ARHGEF1: variants seen among roughly 807,000 people sequenced by gnomAD.
ARHGEF1 encodes the protein Rho guanine nucleotide exchange factor 1.
ARHGEF1 carries 40 observed loss-of-function variants against 119.7 expected under a neutral mutation model. The observed-to-expected ratio is 0.33, with a 90% CI of 0.26 to 0.44. The LOEUF is 0.44. Among genes scored for constraint, ARHGEF1 ranks in the 20% least tolerant of loss-of-function variants. The probability of loss-of-function intolerance (pLI) is 1.00; values close to 1 mark genes in which losing one functional copy is unlikely to be tolerated. For synonymous variants in ARHGEF1, 494 were observed against 521.0 expected, an observed-to-expected ratio of 0.95 and a Z score of 0.71; for missense variants, 976 against 1,268.3, an observed-to-expected ratio of 0.77 and a Z score of 3.50.
rs186394752 is a variant in ARHGEF1 at position 41,903,606 on chromosome 19, G to A, written c.1840-101G>A. On this transcript the variant is annotated intron_variant, in intron 19 of 28. Transcript: ENST00000354532. The surrounding 1 kb of genome is among the most constrained non-coding windows in gnomAD (Gnocchi z 4.2). Reference sequence around the variant, plus strand: ...GTCAGGCCCAACCCTCAGCTTGCCCGCATCAGAAGTTGGTCTTGGCTCTCA... The same window carrying A: ...GTCAGGCCCAACCCTCAGCTTGCCCACATCAGAAGTTGGTCTTGGCTCTCA... 60 of 1,312,800 alleles carry A rather than the reference G, an allele frequency of 4.6e-5. 1 individual carries two copies. Among genetic ancestry groups the A allele is most frequent in the Admixed American group, 2.4e-4 (13 of 54,390 alleles). 81.3% of individuals were successfully genotyped at this position (1,312,800 alleles called of 1,614,324 possible). A position where few individuals can be genotyped will look rare whatever the true frequency, so the allele number is the denominator to read the frequency against.
In ARHGEF1 at chr19:41,914,556, T is replaced by C. The variant is rs868948990; in HGVS notation, c.1865+7753T>C. The stretch of plus-strand genomic sequence containing the variant: ...CTCTGCTATCCGTCTTTCCCTCCCC[T>C]TCCACCATCTCTGTCTCCGTCTCTC... On this transcript the variant is annotated intron_variant, in intron 18 of 20. Transcript: ENST00000599589. 4.2e-3 allele frequency among the ~76,000 whole-genome samples: 416 copies of C among 98,290 alleles called. 7 individuals carry two copies. Among genetic ancestry groups the C allele is most frequent in the Non-Finnish European group, 6.4e-3 (298 of 46,794 alleles). 64.5% of individuals were successfully genotyped at this position (98,290 alleles called of 152,430 possible). A position where few individuals can be genotyped will look rare whatever the true frequency, so the allele number is the denominator to read the frequency against.
chr19:41,907,680 A>C, downstream of ARHGEF1: 1 of 383,440 alleles, frequency 2.6e-6, no homozygotes, highest in Non-Finnish European at 4.7e-6. Flanking sequence ...CCGATCCCCC[A>C]TGCTCAGCAC....
chr19:41,896,961 C>G lies in ARHGEF1; in HGVS notation c.1121+479C>G, dbSNP rs782673680. The G allele has an allele frequency of 1.6e-5, 6 of 386,800 alleles. No individual in the cohort carries two copies. In the East Asian group the frequency reaches 4.6e-4, roughly 30 times the overall value. 24.0% of individuals were successfully genotyped at this position (386,800 alleles called of 1,614,324 possible). A position where few individuals can be genotyped will look rare whatever the true frequency, so the allele number is the denominator to read the frequency against. On this transcript the variant is annotated intron_variant, in intron 13 of 28. Transcript: ENST00000354532. ...TCCCCCCTCCTCTCTCACCTTCCCC[C>G]TCCTCTCTTTCCTCCCCACTCCTCT... is the stretch of plus-strand genomic sequence containing the variant.
chr19:41,887,587 T>G (rs977149375), intron 1 of ARHGEF1, among the ~76,000 whole-genome samples: 12 of 152,120 alleles, frequency 7.9e-5, no homozygotes, highest in Admixed American at 7.9e-4. Flanking sequence ...GTGGGGCTGG[T>G]GGGTTCCAAG....
intron 1 of ARHGEF1, among the ~76,000 whole-genome samples, chr19:41,884,147 G>A (rs1364097293): frequency 1.3e-5 from 2 of 152,120 alleles, no homozygotes; most frequent in Non-Finnish European, 2.9e-5. Flanking sequence ...TCGAACTCGG[G>A]AGGAGTTGGA....
intron 12 of ARHGEF1, among the ~76,000 whole-genome samples, 155 bp from the exon 13 acceptor site, chr19:41,896,222 C>G (rs1433606348): frequency 6.6e-6 from 1 of 152,160 alleles, no homozygotes; most frequent in Non-Finnish European, 1.5e-5. Flanking sequence ...TCTGAGAGGT[C>G]TTAACATCTG....
downstream of ARHGEF1, chr19:41,908,388 G>A: frequency 8.1e-7 from 1 of 1,231,250 alleles, no homozygotes; most frequent in Non-Finnish European, 1.0e-6. The surrounding 1 kb of genome is among the most constrained non-coding windows in gnomAD (Gnocchi z 6.7). Context: ...CCCAGCCCCT[G>A]GCAGCGCCAG....
At position 41,906,797 on chromosome 19, in the gene ARHGEF1, C is replaced by T. The variant is rs1555850357; in HGVS notation, c.*11C>T. On this transcript the variant is annotated 3_prime_UTR_variant, in exon 28 of 29. Coordinates refer to ENST00000354532, the MANE Select transcript of ARHGEF1 (RefSeq NM_004706.4). The surrounding 1 kb of genome is among the most constrained non-coding windows in gnomAD (Gnocchi z 4.5). Reference sequence around the variant, plus strand: ...CCTGGCTGCACTTGAGGTTCCCGCCCAGGAAGGTGAGTGGGGCACCTGGGG... The same window carrying T: ...CCTGGCTGCACTTGAGGTTCCCGCCTAGGAAGGTGAGTGGGGCACCTGGGG... 2 of 1,606,466 alleles carry T rather than the reference C, an allele frequency of 1.2e-6. No homozygotes were observed. The highest frequency in any genetic ancestry group is 1.7e-6 in the Non-Finnish European group (2 of 1,176,374).
In ARHGEF1 at chr19:41,914,637, CTCTCCCTCCCTTTCCACCATCTCT is replaced by C. The variant is rs1568831924; in HGVS notation, c.1865+7835_1865+7858del. 6.6e-4 allele frequency among the ~76,000 whole-genome samples: 32 copies of C among 48,182 alleles called. 6 individuals carry two copies. The highest frequency in any genetic ancestry group is 8.5e-4 in the Non-Finnish European group (24 of 28,274). The allele number at this position is 48,182 out of a possible 152,430, so 31.6% of individuals were successfully genotyped here. The stretch of plus-strand genomic sequence containing the variant: ...CCCCTTCCACCATCTCTGTCTCTGT[CTCTCCCTCCCTTTCCACCATCTCT>C]GTCTCTCCCTCCCCTTCCACCATCT... On this transcript the variant is annotated intron_variant, in intron 18 of 20. Coordinates refer to the ARHGEF1 transcript ENST00000599589.
Position 41,904,514 on chromosome 19 carries a change from G to A in ARHGEF1, c.2161+131G>A. 3 of 1,176,326 alleles carry A rather than the reference G, an allele frequency of 2.6e-6. No individual in the cohort carries two copies. The highest frequency in any genetic ancestry group is 3.5e-6 in the Non-Finnish European group (3 of 860,662). 72.9% of individuals were successfully genotyped at this position (1,176,326 alleles called of 1,614,324 possible). Reference sequence around the variant, plus strand: ...CTAGCAAAGAGGTTGAGAAGTAGGTGGAGGTGGGCAGGGCGGGGCCAGGCC... The same window carrying A: ...CTAGCAAAGAGGTTGAGAAGTAGGTAGAGGTGGGCAGGGCGGGGCCAGGCC... On this transcript the variant is annotated intron_variant, in intron 22 of 28. Transcript: ENST00000354532. This position sits in a 1 kb window ranked among gnomAD's most constrained non-coding sequence, Gnocchi z 8.4.
intron 2 of ARHGEF1, among the ~76,000 whole-genome samples, chr19:41,929,454 G>A (rs1055092378): frequency 1.3e-5 from 2 of 152,118 alleles, no homozygotes; most frequent in Admixed American, 6.5e-5. Context: ...AGTCAATATC[G>A]ACCAGCCTCA....
rs1257916616 is a variant in ARHGEF1, at chr19:41,912,838, G to T, written c.1865+6035G>T. 2.2e-4 allele frequency: 256 copies of T among 1,150,438 alleles called. 1 individual carries two copies. Among genetic ancestry groups the T allele is most frequent in the Non-Finnish European group, 2.4e-4 (215 of 914,090 alleles). 71.3% of individuals were successfully genotyped at this position (1,150,438 alleles called of 1,614,324 possible). ...AGGGGTGGGGGAAGGGGTGGGGGAG[G>T]TCCGGGCCAGTTACCGGGGGTCCAG... On this transcript the variant is annotated intron_variant, in intron 18 of 20. Coordinates refer to the ARHGEF1 transcript ENST00000599589.
intron 11 of ARHGEF1, 51 bp from the exon 12 acceptor site, chr19:41,895,298 T>C: frequency 6.4e-7 from 1 of 1,559,380 alleles, no homozygotes; most frequent in Non-Finnish European, 8.7e-7. Context: ...CGGTTGTGGA[T>C]TTGAGTTACT....
In ARHGEF1 at chr19:41,904,880, T is replaced by C. The variant is rs1226328089; in HGVS notation, c.2162-69T>C. Reference sequence around the variant, plus strand: ...CACCACTGTGGGTGACTTCTCCAGCTTGTGCTTAGGGAGGGGCAGGCACTG... The same window carrying C: ...CACCACTGTGGGTGACTTCTCCAGCCTGTGCTTAGGGAGGGGCAGGCACTG... On this transcript the variant is annotated intron_variant, in intron 22 of 28. Coordinates refer to ENST00000354532, the MANE Select transcript of ARHGEF1 (RefSeq NM_004706.4). The surrounding 1 kb of genome is among the most constrained non-coding windows in gnomAD (Gnocchi z 8.4). 2 of 1,366,636 alleles carry C rather than the reference T, an allele frequency of 1.5e-6. No individual in the cohort carries two copies. Among genetic ancestry groups the C allele is most frequent in the African/African-American group, 2.9e-5 (2 of 69,884 alleles). The allele number at this position is 1,366,636 out of a possible 1,614,324, so 84.7% of individuals were successfully genotyped here. A position where few individuals can be genotyped will look rare whatever the true frequency, so the allele number is the denominator to read the frequency against.
At chr19:41,913,934 C>T (rs2074770167) in intron 18 of ARHGEF1, among the ~76,000 whole-genome samples, 1 of 150,862 alleles carries the variant, frequency 6.6e-6, no homozygotes, top group Admixed American at 6.6e-5. Context: ...CTCTGGAGCA[C>T]CTTCTTCCTG....
Position 41,905,112 on chromosome 19 carries a change from G to T in ARHGEF1, c.2250-63G>T. 1 of 1,609,594 alleles carries T rather than the reference G, an allele frequency of 6.2e-7. No homozygotes were observed. Among genetic ancestry groups the T allele is most frequent in the Non-Finnish European group, 8.5e-7 (1 of 1,175,958 alleles). Reference sequence around the variant, plus strand: ...GGGTTCCCAGGGACAGGAGGGCTGTGGGGAGGCCCTGGCATAGGGTCTGGG... The same window carrying T: ...GGGTTCCCAGGGACAGGAGGGCTGTTGGGAGGCCCTGGCATAGGGTCTGGG... On this transcript the variant is annotated intron_variant, in intron 23 of 28. Coordinates refer to ENST00000354532, the MANE Select transcript of ARHGEF1 (RefSeq NM_004706.4). The surrounding 1 kb of genome is among the most constrained non-coding windows in gnomAD (Gnocchi z 6.4).
Position 41,892,733 on chromosome 19 carries a change from G to A in ARHGEF1, c.498G>A (p.Thr166=), listed in dbSNP as rs1226517079. Residue 166 remains threonine (T), a synonymous_variant, in exon 7 of 29, where the codon ACG becomes ACA. Coordinates refer to ENST00000354532, the MANE Select transcript of ARHGEF1 (RefSeq NM_004706.4). The surrounding 1 kb of genome is among the most constrained non-coding windows in gnomAD (Gnocchi z 6.3). ...DFRSKRLMGM[T]PWEQELAQLE... Reference sequence around the variant, plus strand: ...GTTCCAAGCGGCTCATGGGCATGACGCCCTGGGAGCAGGAGCTGGCCCAGC... The same window carrying A: ...GTTCCAAGCGGCTCATGGGCATGACACCCTGGGAGCAGGAGCTGGCCCAGC... 9.3e-6 allele frequency: 15 copies of A among 1,611,956 alleles called. No individual in the cohort carries two copies. The highest frequency in any genetic ancestry group is 2.2e-5 in the South Asian group (2 of 90,940).
chr19:41,897,282 C>T, intron 13 of ARHGEF1: 2 of 1,280,540 alleles, frequency 1.6e-6, no homozygotes, highest in Non-Finnish European at 2.0e-6. Flanking sequence ...TCCATCTGGG[C>T]CCACCTCTGA....
At chr19:41,918,526 ACACCATACACT>A (rs1192932428), upstream of ARHGEF1, among the ~76,000 whole-genome samples, 1 of 149,400 alleles carries the variant, frequency 6.7e-6, no homozygotes, top group South Asian at 2.1e-4. Context: ...CATCACACAC[ACACCATACACT>A]CACCATACAC....
Sources: gnomAD v4.1 joint callset for allele counts (sites outside exome capture counted in the v4.1 genomes callset) on GRCh38, gnomAD v4.1.1 for gene constraint, Gnocchi (gnomAD v3.1) non-coding constraint, MANE v1.5 for transcripts, NCBI Gene and HGNC (gene_info 2026-07-23, HGNC 2026-07-21) for gene names.